LRRC74A: variants seen among roughly 807,000 people sequenced by gnomAD.
LRRC74A encodes the protein leucine rich repeat containing 74A.
LRRC74A carries 44 observed loss-of-function variants against 57.9 expected under a neutral mutation model. That is an observed-to-expected ratio of 0.76 (90% CI 0.60 to 0.98). The LOEUF (loss-of-function observed/expected upper bound fraction) is 0.98. Among genes scored for constraint, LRRC74A ranks in the 50% least tolerant of loss-of-function variants. LRRC74A has a pLI of 0.00. For synonymous variants in LRRC74A, 211 were observed against 219.4 expected, an observed-to-expected ratio of 0.96 and a Z score of 0.34; for missense variants, 572 against 574.0, an observed-to-expected ratio of 1.00 and a Z score of 0.04.
At chr14:76,829,830 G>A (rs1290764962) in intron 2 of LRRC74A, among the ~76,000 whole-genome samples, 3 of 152,184 alleles carry the variant, frequency 2.0e-5, no homozygotes, top group Non-Finnish European at 2.9e-5. Context: ...GGGCAGGGAG[G>A]GCATGGGAAA....
Position 76,826,614 on chromosome 14 carries a change from G to A in LRRC74A, c.-84G>A. ...GGAAGTTCACAGAGTTTGAGACAGA[G>A]GTGAATGGACAGGTGTGCTTCTTAG... On this transcript the variant is annotated 5_prime_UTR_variant, in exon 1 of 14. Coordinates refer to ENST00000689127, the MANE Select transcript of LRRC74A (RefSeq NM_001385106.1). 1.2e-6 allele frequency: 2 copies of A among 1,612,376 alleles called. No individual in the cohort carries two copies. Among genetic ancestry groups the A allele is most frequent in the Non-Finnish European group, 1.7e-6 (2 of 1,179,294 alleles).
chr14:76,849,803 C>CAA (rs35817889), intron 7 of LRRC74A, among the ~76,000 whole-genome samples: 10,593 of 130,476 alleles, frequency 0.081, 532 homozygotes, highest in Middle Eastern at 0.21. Flanking sequence ...AATTCTGCCT[C>CAA]AAAAAAAAAA....
intron 2 of LRRC74A, among the ~76,000 whole-genome samples, chr14:76,829,420 T>C (rs1566713882): frequency 6.6e-6 from 1 of 152,236 alleles, no homozygotes; most frequent in Non-Finnish European, 1.5e-5. Flanking sequence ...GCTCTTTTTC[T>C]GGCTTCTTGT....
chr14:76,850,381 G>A (rs1173229610), intron 7 of LRRC74A, among the ~76,000 whole-genome samples: 3 of 152,050 alleles, frequency 2.0e-5, no homozygotes, highest in Non-Finnish European at 4.4e-5. Context: ...TGTGCAAGGT[G>A]TAGCTTAAAT....
intron 5 of LRRC74A, among the ~76,000 whole-genome samples, chr14:76,841,719 T>C (rs199808519): frequency 7.0e-4 from 2 of 2,844 alleles, no homozygotes; most frequent in Non-Finnish European, 3.3e-3. Context: ...TCTTTTTCTT[T>C]TTTTTTTTTT....
At chr14:76,861,074 A>T (rs1898266841) in intron 11 of LRRC74A, among the ~76,000 whole-genome samples, 1 of 152,138 alleles carries the variant, frequency 6.6e-6, no homozygotes, top group African/African-American at 2.4e-5. Context: ...ATCTAGCTGA[A>T]GGGGGCAGGT....
At chr14:76,844,955 T>TC in intron 7 of LRRC74A, 54 bp downstream of exon 7, 1 of 874,134 alleles carries the variant, frequency 1.1e-6, no homozygotes. Context: ...GAAGAATCAC[T>TC]TGGCAGAGCG....
At chr14:76,855,390 G>A (rs1240031030) in intron 9 of LRRC74A, among the ~76,000 whole-genome samples, 1 of 152,140 alleles carries the variant, frequency 6.6e-6, no homozygotes, top group Non-Finnish European at 1.5e-5. Context: ...TGGCAATAGA[G>A]GTCTTTGCTG....
intron 13 of LRRC74A, among the ~76,000 whole-genome samples, chr14:76,868,803 G>C (rs138819235): frequency 6.6e-6 from 1 of 152,230 alleles, no homozygotes; most frequent in Admixed American, 6.5e-5. Flanking sequence ...AGACAAGAAA[G>C]GCAGCCAGAC....
chr14:76,850,809 A>G (rs566340202), intron 7 of LRRC74A, among the ~76,000 whole-genome samples: 3 of 147,172 alleles, frequency 2.0e-5, no homozygotes, highest in East Asian at 2.2e-4. Flanking sequence ...CGGAGGTTGC[A>G]GTGAGCCGAG....
At chr14:76,860,100 AG>A (rs1194900847) in intron 10 of LRRC74A, among the ~76,000 whole-genome samples, 2 of 152,122 alleles carry the variant, frequency 1.3e-5, no homozygotes, top group Non-Finnish European at 2.9e-5. Flanking sequence ...GCCCTTAAAC[AG>A]GGGTTTAATT....
At chr14:76,835,725 A>G (rs1189228318) in intron 3 of LRRC74A, among the ~76,000 whole-genome samples, 1 of 152,156 alleles carries the variant, frequency 6.6e-6, no homozygotes, top group Admixed American at 6.5e-5. Context: ...AAAAAATAAT[A>G]ATAAATAAAT....
Position 76,860,751 on chromosome 14 carries a change from C to T in LRRC74A, c.1112C>T (p.Pro371Leu), listed in dbSNP as rs371546829. The T allele has an allele frequency of 1.1e-5, 17 of 1,611,296 alleles. No homozygotes were observed. The highest frequency in any genetic ancestry group is 6.7e-5 in the East Asian group (3 of 44,844). The change falls in exon 11 of 14, where the codon CCG becomes CTG. Residue 371 changes from proline (P) to leucine (L), a missense_variant. Physicochemically the swap from Pro to Leu is moderately conservative, Grantham distance 98. Coordinates refer to ENST00000689127, the MANE Select transcript of LRRC74A (RefSeq NM_001385106.1). ...TTGGACGGAGTGTATGCCGTTCACCCGCAGCTGGACGTGGTATTCAAGGCA... is the reference window on the plus strand; with the variant it reads ...TTGGACGGAGTGTATGCCGTTCACCTGCAGCTGGACGTGGTATTCAAGGCA... ...KTLDGVYAVH[P>L]QLDVVFKAVQ...
Position 76,845,769 on chromosome 14 carries a change from C to T in LRRC74A, c.676+868C>T, listed in dbSNP as rs1317285037. ...GGCGTGGTGGCTTACGCCTGTAGTCCCAGCACTTCGGGAGGCCGAGGTGGG... is the reference window on the plus strand; with the variant it reads ...GGCGTGGTGGCTTACGCCTGTAGTCTCAGCACTTCGGGAGGCCGAGGTGGG... On this transcript the variant is annotated intron_variant, in intron 7 of 13. Coordinates refer to ENST00000689127, the MANE Select transcript of LRRC74A (RefSeq NM_001385106.1). Among the ~76,000 whole-genome samples the T allele has an allele frequency of 2.0e-5, 3 of 152,336 alleles. No homozygotes were observed. The East Asian group carries it at 5.8e-4, about 29-fold the overall frequency.
intron 13 of LRRC74A, among the ~76,000 whole-genome samples, chr14:76,869,084 CCCCGTGCCTCCTCACCTG>C (rs1240675873): frequency 4.0e-3 from 46 of 11,644 alleles, no homozygotes; most frequent in African/African-American, 0.011. Context: ...TCCTCACCTG[CCCCGTGCCTCCTCACCTG>C]CCCCGTGCCT....
intron 10 of LRRC74A, among the ~76,000 whole-genome samples, chr14:76,858,479 G>A (rs1013918348): frequency 2.6e-5 from 4 of 152,156 alleles, no homozygotes; most frequent in Non-Finnish European, 5.9e-5. Flanking sequence ...CATCTGCAAA[G>A]ACCCTGTTTC....
intron 3 of LRRC74A, 41 bp from the exon 4 acceptor site, chr14:76,836,166 C>A: frequency 6.8e-7 from 1 of 1,475,664 alleles, no homozygotes; most frequent in South Asian, 1.2e-5. Context: ...GGGTCACCAA[C>A]CACTTCTGTG....
At chr14:76,855,247 G>A (rs1464410256) in intron 9 of LRRC74A, among the ~76,000 whole-genome samples, 1 of 152,202 alleles carries the variant, frequency 6.6e-6, no homozygotes, top group African/African-American at 2.4e-5. Flanking sequence ...TCCCAGCTGG[G>A]GTGGAGCGGG....
At position 76,845,618 on chromosome 14, in the gene LRRC74A, C is replaced by T. The variant is rs564026760; in HGVS notation, c.676+717C>T. 1.5e-4 allele frequency among the ~76,000 whole-genome samples: 23 copies of T among 152,296 alleles called. No individual in the cohort carries two copies. The South Asian group carries it at 4.6e-3, about 30-fold the overall frequency. Reference sequence around the variant, plus strand: ...CATGCAATTTACCTATATAACAAACCAGCACATGTAGGCCTGAACCTAAAA... The same window carrying T: ...CATGCAATTTACCTATATAACAAACTAGCACATGTAGGCCTGAACCTAAAA... On this transcript the variant is annotated intron_variant, in intron 7 of 13. Transcript: ENST00000689127.
Sources: allele counts gnomAD v4.1 joint callset (sites outside exome capture counted in the v4.1 genomes callset), GRCh38; gene constraint gnomAD v4.1.1; transcripts MANE v1.5; gene names NCBI Gene and HGNC (gene_info 2026-07-23, HGNC 2026-07-21).